Variants in RANBP3L observed in about 807,000 individuals in gnomAD.
The protein encoded by RANBP3L is RAN binding protein 3 like, also known as ran-binding protein 3-like.
RANBP3L carries 56 observed loss-of-function variants against 67.2 expected under a neutral mutation model. That is an observed-to-expected ratio of 0.83 (90% CI 0.67 to 1.04). The LOEUF (loss-of-function observed/expected upper bound fraction) is 1.04, where lower values mean the gene tolerates loss of function less well. Ranked by LOEUF, RANBP3L falls within the 50% of genes least tolerant of loss-of-function variation. The pLI is 0.00. For missense variants in RANBP3L, 496 were observed against 535.5 expected (o/e 0.93, Z 0.73); for synonymous variants, 164 against 181.4 (o/e 0.90, Z 0.77).
In RANBP3L at chr5:36,273,078, A is replaced by C. The variant is rs901450486; in HGVS notation, c.92-1767T>G. On this transcript the variant is annotated intron_variant, in intron 1 of 13. Transcript: ENST00000296604. The stretch of plus-strand genomic sequence containing the variant: ...TAGCTCAATTCTTTGTTGTTTCTCA[A>C]GACAAGCTCCTTTTCCGGAAATTAT... 6.6e-5 allele frequency among the ~76,000 whole-genome samples: 10 copies of C among 152,362 alleles called. 1 individual carries two copies. Among genetic ancestry groups the C allele is most frequent in the Admixed American group, 5.2e-4 (8 of 15,298 alleles).
At position 36,247,812 on chromosome 5, in the gene RANBP3L, C is replaced by T. The variant is rs1011694257; in HGVS notation, c.*1842G>A. Among the ~76,000 whole-genome samples, 4 of 152,124 alleles carry T rather than the reference C, an allele frequency of 2.6e-5. No individual in the cohort carries two copies. The highest frequency in any genetic ancestry group is 4.8e-5 in the African/African-American group (2 of 41,424). On this transcript the variant is annotated 3_prime_UTR_variant, in exon 14 of 14. Transcript: ENST00000296604. The stretch of plus-strand genomic sequence containing the variant: ...GTGAGGCACGAGAATCCCTTGAACC[C>T]GGGAGGGGGAGGTTGAAGTGAGCCG...
Position 36,301,409 on chromosome 5 carries a change from G to A in RANBP3L, c.8C>T (p.Thr3Ile). ...GTGGCTGCTGCCTTTTCTTGGTATG[G>A]TAGTCATGGTCCTAGCAGTATGGCT... MT[T>I]IPRKGSSHLP... The change falls in exon 1 of 14, where the codon ACC (threonine) becomes ATC (isoleucine). Residue 3 changes from threonine to isoleucine, a missense_variant. Thr to Ile is a moderately conservative substitution (Grantham distance 89, BLOSUM62 -1). Coordinates refer to ENST00000296604, the MANE Select transcript of RANBP3L (RefSeq NM_145000.5). 6.2e-7 allele frequency: 1 copy of A among 1,613,148 alleles called. No individual in the cohort carries two copies. Among genetic ancestry groups the A allele is most frequent in the Non-Finnish European group, 8.5e-7 (1 of 1,179,574 alleles).
intron 1 of RANBP3L, among the ~76,000 whole-genome samples, chr5:36,295,321 T>G (rs935340576): frequency 1.3e-5 from 2 of 152,018 alleles, no homozygotes; most frequent in African/African-American, 4.8e-5. Context: ...GTTACCCCCA[T>G]GCTGTTCTCA....
At chr5:36,256,798 G>C (rs928190927) in intron 10 of RANBP3L, 143 bp downstream of exon 10, 1 of 679,634 alleles carries the variant, frequency 1.5e-6, no homozygotes, top group Non-Finnish European at 2.4e-6. Flanking sequence ...CAATTTTTGA[G>C]AGCATCCAAC....
At chr5:36,267,518 A>T (rs9292622) in intron 4 of RANBP3L, among the ~76,000 whole-genome samples, 7 of 148,438 alleles carry the variant, frequency 4.7e-5, no homozygotes, top group Non-Finnish European at 7.4e-5. Flanking sequence ...AAAAAAAAAA[A>T]AAAGAAAGAA....
chr5:36,259,646 C>G (rs1749232324), intron 8 of RANBP3L, among the ~76,000 whole-genome samples: 1 of 151,876 alleles, frequency 6.6e-6, no homozygotes, highest in African/African-American at 2.4e-5. Flanking sequence ...TAATCTAAAT[C>G]CGTACATGGG....
chr5:36,256,687 T>C, intron 10 of RANBP3L: 1 of 413,144 alleles, frequency 2.4e-6, no homozygotes, highest in Non-Finnish European at 4.3e-6. Context: ...GATACTTGGC[T>C]GTCTTATTTC....
At chr5:36,300,950 G>C (rs16902944) in intron 1 of RANBP3L, among the ~76,000 whole-genome samples, 10,284 of 152,180 alleles carry the variant, frequency 0.068, 1,153 homozygotes, top group African/African-American at 0.24. Flanking sequence ...AGTGAAAAAA[G>C]TGTCCCACCA....
intron 1 of RANBP3L, among the ~76,000 whole-genome samples, chr5:36,290,224 C>CTTTTTTTTTTTTT (rs33974139): frequency 2.8e-5 from 4 of 143,990 alleles, no homozygotes; most frequent in Non-Finnish European, 4.5e-5. Context: ...TCTGTCTCAC[C>CTTTTTTTTTTTTT]TTTTTTTTTT....
chr5:36,285,847 G>A (rs556804669), intron 1 of RANBP3L, among the ~76,000 whole-genome samples: 1 of 152,266 alleles, frequency 6.6e-6, no homozygotes, highest in East Asian at 1.9e-4. Flanking sequence ...GAAATTAATG[G>A]CATTCAAGAC....
At chr5:36,290,020 T>C (rs1339934872) in intron 1 of RANBP3L, among the ~76,000 whole-genome samples, 1 of 152,186 alleles carries the variant, frequency 6.6e-6, no homozygotes, top group Non-Finnish European at 1.5e-5. Context: ...GCTGGGTTTC[T>C]TGTAAATGTT....
intron 13 of RANBP3L, among the ~76,000 whole-genome samples, chr5:36,250,654 A>G (rs912800654): frequency 3.3e-5 from 5 of 152,156 alleles, no homozygotes; most frequent in African/African-American, 1.2e-4. Flanking sequence ...GAATAATTAC[A>G]TCTGTATAAC....
intron 12 of RANBP3L, among the ~76,000 whole-genome samples, chr5:36,253,039 A>G (rs1225215918): frequency 6.6e-6 from 1 of 151,328 alleles, no homozygotes; most frequent in Non-Finnish European, 1.5e-5. Flanking sequence ...TTTGCGTTTC[A>G]TTTTGTTTTG....
intron 8 of RANBP3L, among the ~76,000 whole-genome samples, chr5:36,259,624 T>A (rs1206720664): frequency 1.3e-5 from 2 of 151,778 alleles, no homozygotes; most frequent in African/African-American, 4.8e-5. Context: ...CTTAACGAGT[T>A]GGTTCTTTTA....
chr5:36,285,716 C>G (rs565657734), intron 1 of RANBP3L, among the ~76,000 whole-genome samples: 5 of 152,248 alleles, frequency 3.3e-5, no homozygotes, highest in Non-Finnish European at 7.4e-5. Flanking sequence ...GTATGGTTAC[C>G]AGCACCAGGA....
Position 36,257,521 on chromosome 5 carries a change from AT to A in RANBP3L, c.704del (p.Asn235MetfsTer21). 6.3e-7 allele frequency: 1 copy of A among 1,591,520 alleles called. No homozygotes were observed. Among genetic ancestry groups the A allele is most frequent in the Non-Finnish European group, 8.6e-7 (1 of 1,165,890 alleles). The stretch of plus-strand genomic sequence containing the variant: ...ATGGTTTTTCCTTGGCATATGAATC[AT>A]TTTCAAGTTGAGGCTGGGTGAGTTT... ...TQKLTQPQLE[N>X]DSYAKEKPFK... On this transcript the variant is annotated frameshift_variant, in exon 9 of 14. Transcript: ENST00000296604. LOFTEE classifies it high-confidence loss of function.
chr5:36,255,572 T>A lies in RANBP3L; in HGVS notation c.922A>T (p.Ile308Leu), dbSNP rs1187183644. The A allele has an allele frequency of 6.2e-7, 1 of 1,608,108 alleles. No individual in the cohort carries two copies. Among genetic ancestry groups the A allele is most frequent in the Admixed American group, 1.7e-5 (1 of 59,400 alleles). Residue 308 changes from isoleucine (I) to leucine (L), a missense_variant, in exon 11 of 14, where the codon ATA becomes TTA. Transcript: ENST00000296604. The part of the protein sequence containing the change: ...NVLKINCKLF[I>L]FNKTTQSWIE... ...CAGGATTGTGTTGTTTTGTTGAATA[T>A]GAAAAGCTTGCAGTTTATCTAAATG...
At chr5:36,282,628 T>C (rs761693382) in intron 1 of RANBP3L, among the ~76,000 whole-genome samples, 1 of 152,178 alleles carries the variant, frequency 6.6e-6, no homozygotes, top group Non-Finnish European at 1.5e-5. Context: ...TTTGAGCACA[T>C]AGAAGAAAAA....
chr5:36,297,270 A>T (rs969937966), intron 1 of RANBP3L, among the ~76,000 whole-genome samples: 5 of 151,638 alleles, frequency 3.3e-5, no homozygotes, highest in Non-Finnish European at 5.9e-5. Flanking sequence ...GTGGATTGTC[A>T]TTAAGGTCTT....
Sources: gnomAD v4.1 joint callset for allele counts (sites outside exome capture counted in the v4.1 genomes callset) on GRCh38, gnomAD v4.1.1 for gene constraint, MANE v1.5 for transcripts, NCBI Gene and HGNC (gene_info 2026-07-23, HGNC 2026-07-21) for gene names.